Variants in TBC1D1 observed in about 807,000 individuals in gnomAD.
TBC1D1 encodes the protein TBC1 (tre-2/USP6, BUB2, cdc16) domain family, member 1.
TBC1D1 carries 89 observed loss-of-function variants against 125.6 expected under a neutral mutation model. That is an observed-to-expected ratio of 0.71 (90% CI 0.60 to 0.85). The LOEUF is 0.85. Among genes scored for constraint, TBC1D1 ranks in the 40% least tolerant of loss-of-function variants. TBC1D1 has a pLI of 0.00. For synonymous variants in TBC1D1, 565 were observed against 564.1 expected, an observed-to-expected ratio of 1.00 and a Z score of -0.02; for missense variants, 1,377 against 1,469.2, an observed-to-expected ratio of 0.94 and a Z score of 1.03.
At chr4:37,924,695 A>G (rs1296260720) in intron 2 of TBC1D1, among the ~76,000 whole-genome samples, 1 of 152,240 alleles carries the variant, frequency 6.6e-6, no homozygotes, top group Non-Finnish European at 1.5e-5. Context: ...TTTTAGCAGT[A>G]TCAGAATTGT....
intron 2 of TBC1D1, among the ~76,000 whole-genome samples, chr4:37,968,607 C>A (rs1001994482): frequency 3.3e-5 from 5 of 152,228 alleles, no homozygotes; most frequent in African/African-American, 1.2e-4. Flanking sequence ...CTAATTTGTT[C>A]TTCTACTTCT....
chr4:38,043,512 G>T (rs1242112276), intron 8 of TBC1D1, among the ~76,000 whole-genome samples: 3 of 151,568 alleles, frequency 2.0e-5, no homozygotes, highest in Non-Finnish European at 4.4e-5. Context: ...GAACCTGGGA[G>T]GTCAAGACTG....
intron 6 of TBC1D1, among the ~76,000 whole-genome samples, chr4:38,021,964 A>G (rs1399454419): frequency 1.3e-5 from 2 of 152,178 alleles, no homozygotes; most frequent in African/African-American, 2.4e-5. Context: ...TATTCTGAGG[A>G]TGGAGGAGGA....
At chr4:38,077,190 C>T (rs1284261644) in intron 12 of TBC1D1, among the ~76,000 whole-genome samples, 1 of 152,200 alleles carries the variant, frequency 6.6e-6, no homozygotes, top group Non-Finnish European at 1.5e-5. Flanking sequence ...TGCTATTTAA[C>T]ATACAACTAT....
intron 2 of TBC1D1, among the ~76,000 whole-genome samples, chr4:38,000,987 G>A (rs1477206218): frequency 6.6e-6 from 1 of 152,210 alleles, no homozygotes; most frequent in African/African-American, 2.4e-5. Flanking sequence ...TTGGGAGGCT[G>A]AGGCGAGCGG....
chr4:38,033,673 T>C (rs1056547620), intron 7 of TBC1D1, among the ~76,000 whole-genome samples: 8 of 152,136 alleles, frequency 5.3e-5, no homozygotes, highest in African/African-American at 1.2e-4. Context: ...TACAGAATAG[T>C]TTCACTGCCC....
intron 8 of TBC1D1, 55 bp from the exon 9 acceptor site, chr4:38,044,307 C>CT: frequency 6.5e-7 from 1 of 1,549,686 alleles, no homozygotes; most frequent in Non-Finnish European, 8.7e-7. Context: ...TTTTTCATTC[C>CT]TTTAAGAAGC....
intron 2 of TBC1D1, among the ~76,000 whole-genome samples, chr4:37,994,886 A>G (rs1737435473): frequency 6.6e-6 from 1 of 152,066 alleles, no homozygotes. Flanking sequence ...AATCTTTTTC[A>G]CATGAACTTT....
At chr4:37,953,323 C>G (rs2380955) in intron 2 of TBC1D1, among the ~76,000 whole-genome samples, 94,594 of 152,076 alleles carry the variant, frequency 0.62, 30,257 homozygotes, top group East Asian at 0.96. Flanking sequence ...ACTGACAAAT[C>G]TTAATATCAG....
At chr4:37,964,059 T>C (rs1730590102) in intron 2 of TBC1D1, among the ~76,000 whole-genome samples, 2 of 152,228 alleles carry the variant, frequency 1.3e-5, no homozygotes, top group African/African-American at 4.8e-5. Flanking sequence ...TGCTGGACCA[T>C]AAGACGTTCC....
At chr4:37,899,412 G>A (rs2995923) in intron 1 of TBC1D1, among the ~76,000 whole-genome samples, 3,513 of 152,222 alleles carry the variant, frequency 0.023, 49 homozygotes, top group Non-Finnish European at 0.036. Context: ...GCTTCCGTGG[G>A]AGCAGAACAC....
chr4:38,017,717 A>G (rs893265156), intron 3 of TBC1D1, among the ~76,000 whole-genome samples: 5 of 152,162 alleles, frequency 3.3e-5, no homozygotes, highest in African/African-American at 1.2e-4. Context: ...ACCAACACAC[A>G]CTGAAACCCA....
intron 2 of TBC1D1, among the ~76,000 whole-genome samples, chr4:37,983,338 C>T (rs1366687252): frequency 6.6e-6 from 1 of 152,044 alleles, no homozygotes; most frequent in Non-Finnish European, 1.5e-5. Flanking sequence ...TGGTCTCGAT[C>T]TCCTGACCTC....
intron 17 of TBC1D1, among the ~76,000 whole-genome samples, chr4:38,120,794 C>A (rs143656344): frequency 6.6e-6 from 1 of 152,112 alleles, no homozygotes. Context: ...CTGGGAGAGA[C>A]GCTTGCTCTG....
At chr4:38,125,596 A>ATG (rs760405734) in intron 18 of TBC1D1, among the ~76,000 whole-genome samples, 159 of 151,580 alleles carry the variant, frequency 1.0e-3, no homozygotes, top group African/African-American at 3.6e-3. Context: ...TTGTTTCATG[A>ATG]TGTGTGTGTG....
At chr4:38,041,300 G>T (rs1245061747) in intron 8 of TBC1D1, among the ~76,000 whole-genome samples, 1 of 152,176 alleles carries the variant, frequency 6.6e-6, no homozygotes, top group Admixed American at 6.5e-5. Flanking sequence ...CCATTAGATT[G>T]GCAGAAATTT....
At chr4:37,934,050 C>G (rs192669266) in intron 2 of TBC1D1, among the ~76,000 whole-genome samples, 23 of 152,294 alleles carry the variant, frequency 1.5e-4, no homozygotes, top group African/African-American at 5.3e-4. Context: ...CCTACACAGG[C>G]CGTGTGTTCT....
intron 15 of TBC1D1, chr4:38,110,628 A>G (rs1270024728): frequency 1.6e-5 from 16 of 985,306 alleles, no homozygotes; most frequent in Non-Finnish European, 1.9e-5. Flanking sequence ...GGGTTTTTTA[A>G]TGCCCATGTT....
chr4:38,107,590 T>TTG (rs1301369437), intron 15 of TBC1D1, among the ~76,000 whole-genome samples: 1 of 144,726 alleles, frequency 6.9e-6, no homozygotes, highest in African/African-American at 2.5e-5. Flanking sequence ...TTTTTTTTTT[T>TTG]TTTTTTTTTT....
Sources: allele counts gnomAD v4.1 joint callset (sites outside exome capture counted in the v4.1 genomes callset), GRCh38; gene constraint gnomAD v4.1.1; transcripts MANE v1.5; gene names NCBI Gene and HGNC (gene_info 2026-07-23, HGNC 2026-07-21).